DOK5: variants seen among roughly 807,000 people sequenced by gnomAD.
DOK5 encodes the protein downstream of tyrosine kinase 5.
A neutral mutation model predicts 43.3 loss-of-function variants in DOK5; 27 were observed. The ratio of observed to expected loss-of-function variants is 0.62; its 90% confidence interval spans 0.46 to 0.86. The LOEUF (loss-of-function observed/expected upper bound fraction) is 0.86, where lower values mean the gene tolerates loss of function less well. Among genes scored for constraint, DOK5 ranks in the 40% least tolerant of loss-of-function variants. The pLI is 0.00. For missense variants in DOK5, 373 were observed against 392.9 expected, an observed-to-expected ratio of 0.95 and a Z score of 0.43; for synonymous variants, 146 against 140.1, an observed-to-expected ratio of 1.04 and a Z score of -0.30.
chr20:54,599,855 T>A (rs1342311792), intron 5 of DOK5, among the ~76,000 whole-genome samples: 1 of 152,194 alleles, frequency 6.6e-6, no homozygotes, highest in East Asian at 1.9e-4. Flanking sequence ...TTTTAAGCAC[T>A]GCAGATGTAG....
At chr20:54,584,607 A>G (rs1014127430) in intron 2 of DOK5, among the ~76,000 whole-genome samples, 7 of 150,882 alleles carry the variant, frequency 4.6e-5, no homozygotes, top group African/African-American at 1.7e-4. Context: ...CATGTAATGT[A>G]ATGTTATAGT....
At chr20:54,588,648 T>C (rs1277136212) in intron 3 of DOK5, 39 bp from the exon 4 acceptor site, 1 of 1,614,098 alleles carries the variant, frequency 6.2e-7, no homozygotes, top group African/African-American at 1.3e-5. Context: ...TCTGAATGGA[T>C]GCTGGGCACA....
chr20:54,594,810 TCTTA>T (rs1332446734), intron 5 of DOK5, among the ~76,000 whole-genome samples: 2 of 152,224 alleles, frequency 1.3e-5, no homozygotes, highest in African/African-American at 4.8e-5. Flanking sequence ...AAACATGTTA[TCTTA>T]TTAATTTTCC....
Position 54,570,038 on chromosome 20 carries a change from A to G in DOK5, c.174+14998A>G, listed in dbSNP as rs547472010. On this transcript the variant is annotated intron_variant, in intron 2 of 7. Transcript: ENST00000262593. The stretch of plus-strand genomic sequence containing the variant: ...CTTGTGGATAAAATTTTTGATGAAA[A>G]CTGAGCATGTTTCTCTTTGCTCGCT... Among the ~76,000 whole-genome samples, 5 of 152,324 alleles carry G rather than the reference A, an allele frequency of 3.3e-5. No homozygotes were observed. In the East Asian group the frequency reaches 9.6e-4, roughly 29 times the overall value.
In DOK5 at chr20:54,588,505, A is replaced by C. The variant is rs561093492; in HGVS notation, c.197A>C (p.Lys66Thr). ...CAGGTTACAGAACTCAATAATGTGA[A>C]GAACGTAGCTCGATTGCCAAAAAGC... The part of the protein sequence containing the change: ...YHKVTELNNV[K>T]NVARLPKSTK... Residue 66 changes from lysine to threonine, a missense_variant, in exon 3 of 8, where the codon AAG becomes ACG. Lys to Thr is a moderately conservative substitution (Grantham distance 78, BLOSUM62 -1). Transcript: ENST00000262593. 6.2e-7 allele frequency: 1 copy of C among 1,614,176 alleles called. No individual in the cohort carries two copies. Among genetic ancestry groups the C allele is most frequent in the Non-Finnish European group, 8.5e-7 (1 of 1,179,982 alleles).
rs1412505258 is a variant in DOK5, at chr20:54,554,916, T to C, written c.67-17T>C. 2 of 1,544,422 alleles carry C rather than the reference T, an allele frequency of 1.3e-6. No homozygotes were observed. Among genetic ancestry groups the C allele is most frequent in the Non-Finnish European group, 1.8e-6 (2 of 1,116,536 alleles). On this transcript the variant is annotated splice_polypyrimidine_tract_variant and intron_variant, in intron 1 of 7. Coordinates refer to ENST00000262593, the MANE Select transcript of DOK5 (RefSeq NM_018431.5). ...GTCAGGGGAGATGCTGAGCTCAGTC[T>C]TTGTATTTCCTTCCAGATTTATCAG... is the stretch of plus-strand genomic sequence containing the variant.
chr20:54,513,918 T>C (rs1255899604), intron 1 of DOK5, among the ~76,000 whole-genome samples: 1 of 152,206 alleles, frequency 6.6e-6, no homozygotes, highest in Non-Finnish European at 1.5e-5. Flanking sequence ...GGACAGATTA[T>C]CAGAGAGAAA....
chr20:54,593,040 C>T (rs943883343), intron 5 of DOK5, among the ~76,000 whole-genome samples: 4 of 152,112 alleles, frequency 2.6e-5, no homozygotes, highest in African/African-American at 9.7e-5. Flanking sequence ...TACCCCAATC[C>T]ATGTGAATGG....
chr20:54,499,899 C>T (rs1386672230), intron 1 of DOK5, among the ~76,000 whole-genome samples: 2 of 152,150 alleles, frequency 1.3e-5, no homozygotes, highest in African/African-American at 4.8e-5. Context: ...ACAGGAGGAG[C>T]GAGGGGCTCA....
intron 2 of DOK5, among the ~76,000 whole-genome samples, chr20:54,570,009 A>C (rs1267080977): frequency 6.6e-6 from 1 of 152,174 alleles, no homozygotes; most frequent in Non-Finnish European, 1.5e-5. Flanking sequence ...CTTGGATGAA[A>C]TGTCTTGTGG....
intron 5 of DOK5, among the ~76,000 whole-genome samples, chr20:54,609,295 C>G (rs1333892962): frequency 6.6e-6 from 1 of 152,150 alleles, no homozygotes; most frequent in Non-Finnish European, 1.5e-5. Flanking sequence ...GCAAGAAATT[C>G]TGAAATGGAA....
intron 4 of DOK5, among the ~76,000 whole-genome samples, chr20:54,591,083 G>T (rs1985962404): frequency 6.6e-6 from 1 of 152,288 alleles, no homozygotes; most frequent in African/African-American, 2.4e-5. Flanking sequence ...TTCCCAAATT[G>T]TTGGCCAGTT....
chr20:54,533,934 A>T (rs1402072487), intron 1 of DOK5, among the ~76,000 whole-genome samples: 1 of 152,216 alleles, frequency 6.6e-6, no homozygotes, highest in African/African-American at 2.4e-5. Flanking sequence ...GTATTTATAG[A>T]CAGCAACCAT....
chr20:54,563,900 T>C (rs192554618), intron 2 of DOK5, among the ~76,000 whole-genome samples: 5 of 152,274 alleles, frequency 3.3e-5, no homozygotes, highest in Admixed American at 3.3e-4. Flanking sequence ...TTTTTAAATC[T>C]CTTATTTACC....
intron 1 of DOK5, among the ~76,000 whole-genome samples, chr20:54,515,566 C>T (rs556495073): frequency 1.8e-4 from 28 of 152,344 alleles, no homozygotes; most frequent in African/African-American, 6.5e-4. Flanking sequence ...TACCACAGTA[C>T]ATCTTGTTGC....
At chr20:54,513,235 C>T (rs1195268928) in intron 1 of DOK5, among the ~76,000 whole-genome samples, 1 of 152,048 alleles carries the variant, frequency 6.6e-6, no homozygotes, top group Non-Finnish European at 1.5e-5. Flanking sequence ...AATTAGTTTT[C>T]TGTTACATTC....
chr20:54,509,446 C>T (rs530093576), intron 1 of DOK5, among the ~76,000 whole-genome samples: 10 of 152,202 alleles, frequency 6.6e-5, no homozygotes, highest in South Asian at 2.1e-4. Context: ...CTCTCACCTC[C>T]GCCTCCCAAA....
rs1978691400 is a variant in DOK5 at position 54,633,963 on chromosome 20, G to C, written c.736-9495G>C. Among the ~76,000 whole-genome samples, 8 of 152,204 alleles carry C rather than the reference G, an allele frequency of 5.3e-5. No individual in the cohort carries two copies. The South Asian group carries it at 1.4e-3, about 28-fold the overall frequency. The stretch of plus-strand genomic sequence containing the variant: ...ACCATAAAAACAGTTGGATTCCAGA[G>C]AAGGACAATATGGTGCAGTATTGAG... On this transcript the variant is annotated intron_variant, in intron 6 of 7. Transcript: ENST00000262593.
At chr20:54,530,528 C>G (rs902858676) in intron 1 of DOK5, among the ~76,000 whole-genome samples, 5 of 152,154 alleles carry the variant, frequency 3.3e-5, no homozygotes, top group Admixed American at 6.5e-5. Flanking sequence ...ACAAGACCAC[C>G]TTTGCTAACC....
Sources: gnomAD v4.1 joint callset for allele counts (sites outside exome capture counted in the v4.1 genomes callset) on GRCh38, gnomAD v4.1.1 for gene constraint, MANE v1.5 for transcripts, NCBI Gene and HGNC (gene_info 2026-07-23, HGNC 2026-07-21) for gene names.